Variants in SAP130 observed in about 807,000 individuals in gnomAD.
SAP130 encodes Sin3A associated protein 130.
Under a neutral mutation model 103.2 loss-of-function variants are expected in SAP130, and 16 were observed. That is an observed-to-expected ratio of 0.16 (90% CI 0.10 to 0.24). The LOEUF (loss-of-function observed/expected upper bound fraction) is 0.24, where lower values mean the gene tolerates loss of function less well. Among genes scored for constraint, SAP130 ranks in the 10% least tolerant of loss-of-function variants. The probability of loss-of-function intolerance (pLI) is 1.00; values close to 1 mark genes in which losing one functional copy is unlikely to be tolerated. For synonymous variants in SAP130, 477 were observed against 497.0 expected (o/e 0.96, Z 0.53); for missense variants, 990 against 1,359.7 (o/e 0.73, Z 4.28).
chr2:128,011,695 A>G (rs1684407849), intron 6 of SAP130, among the ~76,000 whole-genome samples: 1 of 152,236 alleles, frequency 6.6e-6, no homozygotes, highest in South Asian at 2.1e-4. Context: ...GATACTACCC[A>G]GTATCATAAT....
chr2:127,983,222 C>T (rs2104963378), intron 14 of SAP130, among the ~76,000 whole-genome samples: 1 of 152,306 alleles, frequency 6.6e-6, no homozygotes, highest in South Asian at 2.1e-4. Flanking sequence ...TATGGTACTA[C>T]TGAGCAACTG....
intron 11 of SAP130, 128 bp from the exon 12 acceptor site, chr2:127,993,436 A>C: frequency 2.0e-6 from 2 of 1,008,562 alleles, no homozygotes; most frequent in Non-Finnish European, 2.7e-6. Context: ...ATTGTGTCCC[A>C]AACAAACTCT....
Position 128,017,770 on chromosome 2 carries a change from A to G in SAP130, c.258T>C (p.Ala86=). Reference sequence around the variant, plus strand: ...CTGCAACAGGTGTGGCTGATGCGACAGCATGGTGTGTCGACAACATCTGCA... The same window carrying G: ...CTGCAACAGGTGTGGCTGATGCGACGGCATGGTGTGTCGACAACATCTGCA... ...PQVQMLSTHH[A]VASATPVAVT... is the part of the protein sequence containing the mutation. The change falls in exon 3 of 21, where the codon GCT becomes GCC. Residue 86 remains alanine (A), a synonymous_variant. Transcript: ENST00000643581. 6.2e-7 allele frequency: 1 copy of G among 1,614,230 alleles called. No homozygotes were observed. Among genetic ancestry groups the G allele is most frequent in the Non-Finnish European group, 8.5e-7 (1 of 1,180,034 alleles).
intron 16 of SAP130, among the ~76,000 whole-genome samples, chr2:127,954,236 T>A (rs1679679644): frequency 6.6e-6 from 1 of 152,010 alleles, no homozygotes; most frequent in African/African-American, 2.4e-5. Context: ...AACAGTAGAT[T>A]AAAAAAACTA....
At position 127,993,415 on chromosome 2, in the gene SAP130, G is replaced by C. The variant is rs1208360058; in HGVS notation, c.1356-107C>G. 4 of 1,227,774 alleles carry C rather than the reference G, an allele frequency of 3.3e-6. No individual in the cohort carries two copies. In the Admixed American group the frequency reaches 1.1e-4, roughly 35 times the overall value. 76.1% of individuals were successfully genotyped at this position (1,227,774 alleles called of 1,614,324 possible). A position where few individuals can be genotyped will look rare whatever the true frequency, so the allele number is the denominator to read the frequency against. ...TGTGTCCTTCAGAACTGTCAAACAA[G>C]CTTTGCTCAAATTGTGTCCCAAACA... On this transcript the variant is annotated intron_variant, in intron 11 of 20. Coordinates refer to ENST00000643581, the MANE Select transcript of SAP130 (RefSeq NM_001330301.2).
chr2:127,983,832 T>G (rs1019489738), intron 14 of SAP130, among the ~76,000 whole-genome samples: 2 of 124,602 alleles, frequency 1.6e-5, no homozygotes, highest in Admixed American at 8.0e-5. Context: ...TGTTTTTTTT[T>G]TTTTTTTTTT....
At chr2:127,985,573 A>G (rs1452247759) in intron 14 of SAP130, among the ~76,000 whole-genome samples, 1 of 152,064 alleles carries the variant, frequency 6.6e-6, no homozygotes, top group African/African-American at 2.4e-5. Flanking sequence ...ACAAAACACT[A>G]TCTGCTACCA....
chr2:128,005,441 C>A (rs574956809), intron 7 of SAP130, among the ~76,000 whole-genome samples: 1 of 151,584 alleles, frequency 6.6e-6, no homozygotes, highest in Non-Finnish European at 1.5e-5. Flanking sequence ...ACATGGCAAA[C>A]CCCCATCTAC....
chr2:127,948,052 AGT>A (rs1679231411), intron 18 of SAP130, among the ~76,000 whole-genome samples: 1 of 152,056 alleles, frequency 6.6e-6, no homozygotes, highest in Non-Finnish European at 1.5e-5. Flanking sequence ...GGCCTCCCAA[AGT>A]GCTGGGATTA....
chr2:127,997,157 A>C (rs1683233247), intron 10 of SAP130, among the ~76,000 whole-genome samples: 1 of 152,212 alleles, frequency 6.6e-6, no homozygotes, highest in Non-Finnish European at 1.5e-5. Flanking sequence ...GCAAAATTAA[A>C]ATCAATGACC....
chr2:127,949,965 G>A lies in SAP130; in HGVS notation c.2701C>T (p.Arg901Cys), dbSNP rs1339566194. Residue 901 changes from arginine to cysteine, a missense_variant, in exon 18 of 21, where the codon CGT becomes TGT. By Grantham distance (180) the Arg-to-Cys change is radical (BLOSUM62 -3). Coordinates refer to ENST00000643581, the MANE Select transcript of SAP130 (RefSeq NM_001330301.2). Reference protein sequence around the residue: ...DEEGVRYVPVRPRPPITLLRH... With the variant: ...DEEGVRYVPVCPRPPITLLRH... ...AGCAAAGTAATGGGGGGTCTTGGAC[G>A]CACTGGGACATATCTCACACCTTCC... 1.9e-6 allele frequency: 3 copies of A among 1,614,110 alleles called. No individual in the cohort carries two copies. The highest frequency in any genetic ancestry group is 3.3e-5 in the Admixed American group (2 of 60,012).
In SAP130 at chr2:127,996,786, T is replaced by G. The variant is rs1683205776; in HGVS notation, c.1214-295A>C. Among the ~76,000 whole-genome samples the G allele has an allele frequency of 6.6e-6, 1 of 152,068 alleles. No homozygotes were observed. ...GCTTTTTAATGACAGATGCGGTGGC[T>G]CACATCTGTCATCTCAGCACTGTGG... On this transcript the variant is annotated intron_variant, in intron 10 of 20. Transcript: ENST00000643581. This position sits in a 1 kb window ranked among gnomAD's most constrained non-coding sequence, Gnocchi z 4.3.
At chr2:127,998,884 T>C (rs1336906268) in intron 10 of SAP130, among the ~76,000 whole-genome samples, 1 of 152,220 alleles carries the variant, frequency 6.6e-6, no homozygotes, top group Non-Finnish European at 1.5e-5. Context: ...TGGGCTTGGC[T>C]CTGCCGTGAT....
chr2:128,027,154 G>A, intron 1 of SAP130: 1 of 1,343,956 alleles, frequency 7.4e-7, no homozygotes, highest in Non-Finnish European at 9.7e-7. Context: ...GGGTGCCGCG[G>A]AGGGCCCATC....
chr2:127,981,575 C>G (rs1459960468), intron 14 of SAP130, among the ~76,000 whole-genome samples: 1 of 101,588 alleles, frequency 9.8e-6, no homozygotes, highest in African/African-American at 4.1e-5. Flanking sequence ...TCAGCTCCCC[C>G]ACCCCGACCC....
At chr2:127,975,091 C>A (rs1681365852) in intron 15 of SAP130, among the ~76,000 whole-genome samples, 1 of 152,128 alleles carries the variant, frequency 6.6e-6, no homozygotes, top group South Asian at 2.1e-4. Context: ...CCCAAATCAC[C>A]ATGTAACTAA....
Position 127,996,455 on chromosome 2 carries a change from G to A in SAP130, c.1250C>T (p.Pro417Leu). Residue 417 changes from proline (P) to leucine (L), a missense_variant, in exon 11 of 21, where the codon CCT (proline) becomes CTT (leucine). Pro to Leu is a moderately conservative substitution (Grantham distance 98). Transcript: ENST00000643581. This position sits in a 1 kb window ranked among gnomAD's most constrained non-coding sequence, Gnocchi z 4.3. ...GGCAGGGTAGTCTGGCTGGATCCGAGGAGAAGTGTGCGTGATCTGCTGGGG... is the reference window on the plus strand; with the variant it reads ...GGCAGGGTAGTCTGGCTGGATCCGAAGAGAAGTGTGCGTGATCTGCTGGGG... Reference protein sequence around the residue: ...VVPQQITHTSPRIQPDYPAER... With the variant: ...VVPQQITHTSLRIQPDYPAER... 1 of 1,600,890 alleles carries A rather than the reference G, an allele frequency of 6.2e-7. No individual in the cohort carries two copies. The highest frequency in any genetic ancestry group is 1.7e-5 in the Admixed American group (1 of 58,202).
Position 127,989,144 on chromosome 2 carries a change from G to A in SAP130, c.1780+420C>T, listed in dbSNP as rs1418789223. On this transcript the variant is annotated intron_variant, in intron 13 of 20. Coordinates refer to ENST00000643581, the MANE Select transcript of SAP130 (RefSeq NM_001330301.2). The surrounding 1 kb of genome is among the most constrained non-coding windows in gnomAD (Gnocchi z 4.6). ...GACAGAGTCTCACTCTGTGGCCCAG[G>A]CTGGAGTGCAGTGGCGTGATCTCGG... Among the ~76,000 whole-genome samples, 2 of 151,746 alleles carry A rather than the reference G, an allele frequency of 1.3e-5. No homozygotes were observed. Among genetic ancestry groups the A allele is most frequent in the African/African-American group, 4.8e-5 (2 of 41,382 alleles).
At position 128,009,981 on chromosome 2, in the gene SAP130, C is replaced by T. The variant is rs142097642; in HGVS notation, c.869+288G>A. The stretch of plus-strand genomic sequence containing the variant: ...ATGAAACTGTAAGTCCCCTGCACCA[C>T]CCACCCTGTCACTCCCAATCCCTTT... On this transcript the variant is annotated intron_variant, in intron 7 of 20. Transcript: ENST00000643581. Among the ~76,000 whole-genome samples, 47 of 152,262 alleles carry T rather than the reference C, an allele frequency of 3.1e-4. 1 individual carries two copies. The South Asian group carries it at 6.4e-3, about 21-fold the overall frequency.
Sources: gnomAD v4.1 joint callset for allele counts (sites outside exome capture counted in the v4.1 genomes callset) on GRCh38, gnomAD v4.1.1 for gene constraint, Gnocchi (gnomAD v3.1) non-coding constraint, MANE v1.5 for transcripts, NCBI Gene and HGNC (gene_info 2026-07-23, HGNC 2026-07-21) for gene names.